PDE10A: variants seen among roughly 807,000 people sequenced by gnomAD.
The protein encoded by PDE10A is cAMP and cAMP-inhibited cGMP 3',5'-cyclic phosphodiesterase 10A.
A neutral mutation model predicts 97.7 loss-of-function variants in PDE10A; 39 were observed. The observed-to-expected ratio is 0.40, with a 90% CI of 0.31 to 0.52. The LOEUF is 0.52. Among genes scored for constraint, PDE10A ranks in the 20% least tolerant of loss-of-function variants. The probability of loss-of-function intolerance (pLI) is 0.56; values close to 1 mark genes in which losing one functional copy is unlikely to be tolerated. For missense variants in PDE10A, 731 were observed against 1,047.8 expected (o/e 0.70, Z 4.17); for synonymous variants, 371 against 376.8 (o/e 0.98, Z 0.18).
intron 18 of PDE10A, among the ~76,000 whole-genome samples, chr6:165,355,093 A>G (rs509939): frequency 0.22 from 33,460 of 152,070 alleles, 3,998 homozygotes; most frequent in African/African-American, 0.29. Flanking sequence ...ATCATTCCAT[A>G]TTAATCTTTT....
At chr6:165,793,378 T>A (rs543498337) in intron 1 of PDE10A, among the ~76,000 whole-genome samples, 1 of 151,722 alleles carries the variant, frequency 6.6e-6, no homozygotes, top group African/African-American at 2.4e-5. Flanking sequence ...GAAAAAAAAA[T>A]ACATAATGCA....
At chr6:165,768,151 T>C (rs545610380) in intron 1 of PDE10A, among the ~76,000 whole-genome samples, 1 of 152,338 alleles carries the variant, frequency 6.6e-6, no homozygotes, top group African/African-American at 2.4e-5. Flanking sequence ...CTTTTTATCG[T>C]TGAGTTGTAA....
chr6:165,781,102 A>T (rs1778329430), intron 1 of PDE10A: 1 of 152,204 alleles, frequency 6.6e-6, no homozygotes, highest in Non-Finnish European at 1.5e-5. Context: ...GAATAGTCCC[A>T]TGAGAGTGGT....
chr6:165,854,041 G>A (rs554821208), intron 1 of PDE10A, among the ~76,000 whole-genome samples: 39 of 152,350 alleles, frequency 2.6e-4, no homozygotes, highest in African/African-American at 8.9e-4. Flanking sequence ...GGGCGTGGTG[G>A]TGAGCAGGCT....
intron 1 of PDE10A, among the ~76,000 whole-genome samples, chr6:165,780,082 C>T (rs1488648497): frequency 6.6e-6 from 1 of 152,170 alleles, no homozygotes; most frequent in Admixed American, 6.5e-5. Flanking sequence ...AGATTATTTA[C>T]ATTTGTATCT....
intron 1 of PDE10A, among the ~76,000 whole-genome samples, chr6:165,925,680 G>C (rs1004198910): frequency 6.6e-6 from 1 of 152,184 alleles, no homozygotes; most frequent in African/African-American, 2.4e-5. Flanking sequence ...TATTGAGAGG[G>C]AGAACTAAAA....
At chr6:165,823,482 TTATATATATATATATATATATA>T (rs748139541) in intron 1 of PDE10A, among the ~76,000 whole-genome samples, 24 of 37,468 alleles carry the variant, frequency 6.4e-4, no homozygotes, top group East Asian at 3.2e-3. Flanking sequence ...ATAGTTAACT[TTATATATATATATATATATATA>T]TATATATATA....
At chr6:165,623,363 C>G (rs566892470) in intron 1 of PDE10A, among the ~76,000 whole-genome samples, 21 of 152,280 alleles carry the variant, frequency 1.4e-4, no homozygotes, top group African/African-American at 4.8e-4. Flanking sequence ...AGTGATCTGC[C>G]TGCCATGTCC....
chr6:165,486,498 A>G (rs1438181448), intron 2 of PDE10A, among the ~76,000 whole-genome samples: 1 of 152,188 alleles, frequency 6.6e-6, no homozygotes, highest in Non-Finnish European at 1.5e-5. Flanking sequence ...TCCATAGAGA[A>G]AGGCTGGCGA....
intron 1 of PDE10A, among the ~76,000 whole-genome samples, chr6:165,599,781 C>G (rs1786826989): frequency 6.6e-6 from 1 of 152,364 alleles, no homozygotes; most frequent in Non-Finnish European, 1.5e-5. Context: ...CTCTGACCAA[C>G]AGTACAGAGC....
intron 1 of PDE10A, among the ~76,000 whole-genome samples, chr6:165,943,164 GAAAGAAAGAAAA>G (rs1457335229): frequency 0.035 from 2,840 of 80,582 alleles, 445 homozygotes; most frequent in South Asian, 0.072. Context: ...AGAGAGAGAA[GAAAGAAAGAAAA>G]AAGAAAGAAA....
chr6:165,601,470 T>G (rs963838591), intron 1 of PDE10A, among the ~76,000 whole-genome samples: 1 of 152,228 alleles, frequency 6.6e-6, no homozygotes, highest in African/African-American at 2.4e-5. Flanking sequence ...TTAGCAGCAT[T>G]GTAATATGAA....
In PDE10A at chr6:165,919,203, C is replaced by A. The variant is rs374209552; in HGVS notation, c.-615+68326G>T. On this transcript the variant is annotated intron_variant, in intron 1 of 19. Transcript: ENST00000366882. ...GCAAGTGGATCATCAGGTCCTTGTT[C>A]TGTCACCATTTCCCATTACAAATAT... 3.3e-5 allele frequency among the ~76,000 whole-genome samples: 5 copies of A among 152,328 alleles called. No homozygotes were observed. The South Asian group carries it at 1.0e-3, about 32-fold the overall frequency.
intron 21 of PDE10A, among the ~76,000 whole-genome samples, chr6:165,335,764 G>T (rs144452513): frequency 6.6e-6 from 1 of 151,984 alleles, no homozygotes; most frequent in Non-Finnish European, 1.5e-5. Context: ...GCATAAGAAA[G>T]CGAGAAGGGT....
At chr6:165,568,985 T>C (rs1784922594) in intron 1 of PDE10A, among the ~76,000 whole-genome samples, 1 of 152,250 alleles carries the variant, frequency 6.6e-6, no homozygotes. Context: ...GAAAACTTGC[T>C]ACTCTGAAGT....
chr6:165,539,407 C>T (rs1398781379), intron 2 of PDE10A, among the ~76,000 whole-genome samples: 3 of 152,184 alleles, frequency 2.0e-5, no homozygotes, highest in Admixed American at 1.3e-4. Flanking sequence ...TCGTCGTAAT[C>T]GCGCCTCTTT....
At chr6:165,770,428 C>T (rs1243703899) in intron 1 of PDE10A, among the ~76,000 whole-genome samples, 1 of 152,186 alleles carries the variant, frequency 6.6e-6, no homozygotes, top group Non-Finnish European at 1.5e-5. Context: ...ATATCCACTT[C>T]ATAAATAAAA....
Position 165,662,348 on chromosome 6 carries a change from C to G in PDE10A, c.464G>C (p.Gly155Ala), listed in dbSNP as rs1365274766. Reference sequence around the variant, plus strand: ...TCCTCCGCCAGCATCGCCGCCTCCTCCCGCCGCCGCCGCCGCCGCTGCGCC... The same window carrying G: ...TCCTCCGCCAGCATCGCCGCCTCCTGCCGCCGCCGCCGCCGCCGCTGCGCC... ...REGAAAAAAA[G>A]GGGDAGGGGG... Residue 155 changes from glycine to alanine, a missense_variant, in exon 1 of 22, where the codon GGA (glycine) becomes GCA (alanine). Gly to Ala is a moderately conservative substitution (Grantham distance 60). Transcript: ENST00000539869. 1 of 160,346 alleles carries G rather than the reference C, an allele frequency of 6.2e-6. No homozygotes were observed. Among genetic ancestry groups the G allele is most frequent in the Non-Finnish European group, 1.3e-5 (1 of 76,444 alleles). 9.9% of individuals were successfully genotyped at this position (160,346 alleles called of 1,614,324 possible).
At chr6:165,863,185 T>C (rs1780953845) in intron 1 of PDE10A, among the ~76,000 whole-genome samples, 1 of 152,218 alleles carries the variant, frequency 6.6e-6, no homozygotes, top group Non-Finnish European at 1.5e-5. Context: ...AGGACCTTGC[T>C]CCAGGTGGTC....
Sources: gnomAD v4.1 joint callset for allele counts (sites outside exome capture counted in the v4.1 genomes callset) on GRCh38, gnomAD v4.1.1 for gene constraint, MANE v1.5 for transcripts, NCBI Gene and HGNC (gene_info 2026-07-23, HGNC 2026-07-21) for gene names.